The following HIP1R variants were observed in gnomAD, a reference collection of about 807,000 sequenced individuals.
The protein encoded by HIP1R is huntingtin interacting protein 1 related, also known as huntingtin-interacting protein 1-related protein.
Under a neutral mutation model 144.2 loss-of-function variants are expected in HIP1R, and 135 were observed. The ratio of observed to expected loss-of-function variants is 0.94; its 90% CI spans 0.81 to 1.08. The LOEUF is 1.08. Among genes scored for constraint, HIP1R ranks in the 50% least tolerant of loss-of-function variants. The pLI is 0.00. For synonymous variants in HIP1R, 698 were observed against 612.8 expected, an observed-to-expected ratio of 1.14 and a Z score of -2.05; for missense variants, 1,462 against 1,432.8, an observed-to-expected ratio of 1.02 and a Z score of -0.33.
At chr12:122,858,499 C>T in intron 20 of HIP1R, 64 bp downstream of exon 20, 1 of 1,351,552 alleles carries the variant, frequency 7.4e-7, no homozygotes, top group Middle Eastern at 2.2e-4. Flanking sequence ...CCATGGCCAC[C>T]TCTTGCCTTT....
intron 8 of HIP1R, 103 bp downstream of exon 8, chr12:122,854,286 A>T (rs897636172): frequency 1.0e-6 from 1 of 983,292 alleles, no homozygotes; most frequent in African/African-American, 1.7e-5. Context: ...TTATTCATTT[A>T]AAAATGGCAG....
intron 1 of HIP1R, among the ~76,000 whole-genome samples, chr12:122,841,193 C>T (rs993072893): frequency 6.6e-6 from 1 of 152,182 alleles, no homozygotes; most frequent in Non-Finnish European, 1.5e-5. Context: ...TGTGCAGCCA[C>T]CCGCTGCCGT....
At chr12:122,848,217 G>A in intron 2 of HIP1R, 123 bp downstream of exon 2, 1 of 1,106,810 alleles carries the variant, frequency 9.0e-7, no homozygotes, top group Non-Finnish European at 1.3e-6. Flanking sequence ...CCGGGGAGGA[G>A]GGTCCTGTGC....
chr12:122,850,940 A>G (rs1466117020), intron 6 of HIP1R, 29 bp downstream of exon 6: 2 of 1,593,036 alleles, frequency 1.3e-6, no homozygotes, highest in East Asian at 4.5e-5. Context: ...CTACATAGCC[A>G]GTTCCCCTCG....
rs151280899 is a variant in HIP1R at position 122,836,400 on chromosome 12, G to T, written c.93+757G>T. ...CACGCTTGTAACTCTTCCAGATGAT[G>T]CCTATCCTGGGAAGGCGTTAGAAAT... On this transcript the variant is annotated intron_variant, in intron 1 of 31. Coordinates refer to ENST00000253083, the MANE Select transcript of HIP1R (RefSeq NM_003959.3). This position sits in a 1 kb window ranked among gnomAD's most constrained non-coding sequence, Gnocchi z 4.1. 6.6e-6 allele frequency among the ~76,000 whole-genome samples: 1 copy of T among 152,256 alleles called. No individual in the cohort carries two copies. The highest frequency in any genetic ancestry group is 1.9e-4 in the East Asian group (1 of 5,184).
Position 122,858,372 on chromosome 12 carries a change from G to A in HIP1R, c.1987G>A (p.Glu663Lys), listed in dbSNP as rs747484838. The A allele has an allele frequency of 3.5e-5, 56 of 1,610,572 alleles. No homozygotes were observed. Among genetic ancestry groups the A allele is most frequent in the Non-Finnish European group, 4.2e-5 (50 of 1,178,332 alleles). The change falls in exon 20 of 32, where the codon GAG becomes AAG. Residue 663 changes from glutamate to lysine, a missense_variant. Physicochemically the swap from Glu to Lys is moderately conservative, Grantham distance 56. Coordinates refer to ENST00000253083, the MANE Select transcript of HIP1R (RefSeq NM_003959.3). ...SPDYLVSRAQ[E>K]ALDAVSTLEE... ...AGACTACCTGGTGAGCAGGGCCCAGGAGGCCTTGGATGCCGTGAGCACCCT... is the reference window on the plus strand; with the variant it reads ...AGACTACCTGGTGAGCAGGGCCCAGAAGGCCTTGGATGCCGTGAGCACCCT...
At chr12:122,838,922 C>G (rs1044296307) in intron 1 of HIP1R, among the ~76,000 whole-genome samples, 2 of 152,208 alleles carry the variant, frequency 1.3e-5, no homozygotes, top group African/African-American at 4.8e-5. Flanking sequence ...CCTAGAGCCT[C>G]CAGGAGGAAA....
chr12:122,856,810 C>A, intron 17 of HIP1R, 84 bp downstream of exon 17: 1 of 1,246,200 alleles, frequency 8.0e-7, no homozygotes, highest in Non-Finnish European at 1.1e-6. Flanking sequence ...TGAACAGGCC[C>A]CACCTGGGTG....
At chr12:122,859,611 C>T (rs1409520671) in intron 23 of HIP1R, 75 bp downstream of exon 23, 9 of 1,370,784 alleles carry the variant, frequency 6.6e-6, no homozygotes, top group East Asian at 2.4e-5. Flanking sequence ...GGGCTGGGTA[C>T]AGGCTGCACC....
chr12:122,846,209 G>A (rs2033208751), intron 1 of HIP1R, among the ~76,000 whole-genome samples: 1 of 152,150 alleles, frequency 6.6e-6, no homozygotes, highest in African/African-American at 2.4e-5. Context: ...CCCTCCCCAC[G>A]GGAGGAACTG....
intron 8 of HIP1R, among the ~76,000 whole-genome samples, chr12:122,854,527 A>T (rs1400873333): frequency 6.6e-6 from 1 of 151,928 alleles, no homozygotes; most frequent in East Asian, 1.9e-4. Flanking sequence ...GTGTTAGGAG[A>T]GTTTTGATCT....
At position 122,856,673 on chromosome 12, in the gene HIP1R, G is replaced by T. The variant is rs530327463; in HGVS notation, c.1567G>T (p.Ala523Ser). ...GGAGAAGCTCAAGAGGGAGCTGGAG[G>T]CCAAGGCCGGAGAGCTGGCCCGCGC... Reference protein sequence around the residue: ...QLEKLKRELEAKAGELARAQE... With the variant: ...QLEKLKRELESKAGELARAQE... Residue 523 changes from alanine (A) to serine (S), a missense_variant, in exon 17 of 32, where the codon GCC becomes TCC. Physicochemically the swap from Ala to Ser is moderately conservative, Grantham distance 99 (BLOSUM62 1). Coordinates refer to ENST00000253083, the MANE Select transcript of HIP1R (RefSeq NM_003959.3). 5.7e-5 allele frequency: 92 copies of T among 1,602,372 alleles called. No individual in the cohort carries two copies. The South Asian group carries it at 9.1e-4, about 16-fold the overall frequency.
chr12:122,856,799 G>C, intron 17 of HIP1R, 73 bp downstream of exon 17: 2 of 1,320,328 alleles, frequency 1.5e-6, no homozygotes. Flanking sequence ...CCTCTTTCCC[G>C]TGAACAGGCC....
intron 18 of HIP1R, chr12:122,857,850 G>A: frequency 2.5e-6 from 1 of 404,702 alleles, no homozygotes; most frequent in Non-Finnish European, 4.4e-6. Context: ...ATCTTTTCAT[G>A]AGCTACCTGG....
At chr12:122,856,184 A>G (rs1394941360) in intron 14 of HIP1R, 21 bp downstream of exon 14, 4 of 1,610,394 alleles carry the variant, frequency 2.5e-6, no homozygotes, top group South Asian at 1.1e-5. Flanking sequence ...CCTTGGCCAC[A>G]GGGGTCCAAG....
Position 122,849,907 on chromosome 12 carries a change from G to A in HIP1R, c.390G>A (p.Val130=), listed in dbSNP as rs956893630. ...TGCATGACCGCTACGGACAGCTGGTGAATGTCTACACCAAGCTGCTGCTGA... is the reference window on the plus strand; with the variant it reads ...TGCATGACCGCTACGGACAGCTGGTAAATGTCTACACCAAGCTGCTGCTGA... ...GHLHDRYGQL[V]NVYTKLLLTK... is the part of the protein sequence containing the mutation. The change falls in exon 5 of 32, where the codon GTG becomes GTA. Residue 130 remains valine (V), a synonymous_variant. Coordinates refer to ENST00000253083, the MANE Select transcript of HIP1R (RefSeq NM_003959.3). The A allele has an allele frequency of 6.2e-7, 1 of 1,613,514 alleles. No individual in the cohort carries two copies. Among genetic ancestry groups the A allele is most frequent in the Non-Finnish European group, 8.5e-7 (1 of 1,179,948 alleles).
At position 122,860,038 on chromosome 12, in the gene HIP1R, C is replaced by A; in HGVS notation, c.2466-9C>A. 1 of 1,553,158 alleles carries A rather than the reference C, an allele frequency of 6.4e-7. No homozygotes were observed. The highest frequency in any genetic ancestry group is 1.2e-5 in the South Asian group (1 of 81,384). ...GAGCGGCAGCTAAGTCTCTCCTTCT[C>A]TCCCCCAGGATCCTCAACTCCTGCA... On this transcript the variant is annotated splice_polypyrimidine_tract_variant and intron_variant, in intron 24 of 31. Coordinates refer to ENST00000253083, the MANE Select transcript of HIP1R (RefSeq NM_003959.3).
chr12:122,845,936 C>G (rs997665315), intron 1 of HIP1R, among the ~76,000 whole-genome samples: 4 of 152,222 alleles, frequency 2.6e-5, no homozygotes, highest in Non-Finnish European at 5.9e-5. Context: ...GGGTCCCTAT[C>G]TCAGCCCCAT....
intron 20 of HIP1R, 44 bp downstream of exon 20, chr12:122,858,479 G>A (rs2033664943): frequency 1.3e-6 from 2 of 1,481,706 alleles, no homozygotes; most frequent in African/African-American, 2.8e-5. Flanking sequence ...CTGTGTCCCA[G>A]TTCCAGCGCC....
Sources: allele counts gnomAD v4.1 joint callset (sites outside exome capture counted in the v4.1 genomes callset), GRCh38; gene constraint gnomAD v4.1.1; non-coding constraint Gnocchi (gnomAD v3.1); transcripts MANE v1.5; gene names NCBI Gene and HGNC (gene_info 2026-07-23, HGNC 2026-07-21).